The following COL5A2 variants were observed in gnomAD, a reference collection of about 807,000 sequenced individuals.
COL5A2 encodes the protein collagen type V alpha 2 chain, also known as collagen alpha-2(V) chain.
Under a neutral mutation model 208.2 loss-of-function variants are expected in COL5A2, and 23 were observed. The ratio of observed to expected loss-of-function variants is 0.11; its 90% CI spans 0.08 to 0.16. COL5A2 has a LOEUF of 0.16. COL5A2 is among the 10% of genes least tolerant of loss of function. The pLI, the probability that COL5A2 is intolerant of heterozygous loss-of-function variation, is 1.00. For missense variants in COL5A2, 1,590 were observed against 1,956.4 expected (o/e 0.81, Z 3.53); for synonymous variants, 625 against 628.5 (o/e 0.99, Z 0.08).
chr2:189,436,431 G>A, the COL5A2 span, among the ~76,000 whole-genome samples: 1 of 152,024 alleles, frequency 6.6e-6, no homozygotes, highest in Non-Finnish European at 1.5e-5. Flanking sequence ...TGTAAATGAC[G>A]AGTTAATGGG....
intron 7 of COL5A2, among the ~76,000 whole-genome samples, chr2:189,091,189 T>A (rs1686776515): frequency 6.6e-6 from 1 of 152,134 alleles, no homozygotes; most frequent in South Asian, 2.1e-4. Context: ...TAATTGCAGA[T>A]ATGATGGCAA....
At chr2:189,363,110 T>C in the COL5A2 span, among the ~76,000 whole-genome samples, 1 of 152,060 alleles carries the variant, frequency 6.6e-6, no homozygotes, top group African/African-American at 2.4e-5. Flanking sequence ...AAAATGACAA[T>C]TTTTTTCCTC....
rs1686210361 is a variant in COL5A2 at position 189,068,884 on chromosome 2, C to T, written c.1159G>A (p.Gly387Arg). Residue 387 changes from glycine to arginine, a missense_variant and splice_region_variant, in exon 19 of 54, where the codon GGA (glycine) becomes AGA (arginine). Physicochemically the swap from Gly to Arg is moderately radical, Grantham distance 125. Coordinates refer to ENST00000374866, the MANE Select transcript of COL5A2 (RefSeq NM_000393.5). The stretch of plus-strand genomic sequence containing the variant: ...CGCGCCCCTGTAGGACCTGCTTCTC[C>T]CTAAAAGGGTGCAAAGGGAAATGTT... ...SGFPGNPGMK[G>R]EAGPTGARGP... 6.2e-7 allele frequency: 1 copy of T among 1,602,652 alleles called. No homozygotes were observed. The highest frequency in any genetic ancestry group is 8.5e-7 in the Non-Finnish European group (1 of 1,170,242).
chr2:189,224,169 T>C (rs373133747), intron 1 of COL5A2, among the ~76,000 whole-genome samples: 1 of 149,480 alleles, frequency 6.7e-6, no homozygotes. Flanking sequence ...GGATAAAATC[T>C]AAAAAAAAAA....
chr2:189,171,580 G>A (rs989014210), intron 1 of COL5A2, among the ~76,000 whole-genome samples: 2 of 152,184 alleles, frequency 1.3e-5, no homozygotes, highest in Non-Finnish European at 1.5e-5. Flanking sequence ...TGACCGGGTA[G>A]CATCATGTTG....
chr2:189,365,860 C>T, the COL5A2 span, among the ~76,000 whole-genome samples: 985 of 152,278 alleles, frequency 6.5e-3, 12 homozygotes, highest in Non-Finnish European at 7.8e-3. Context: ...GTGAAAAAGG[C>T]CCTTCAGTAA....
At chr2:189,054,887 A>ATT (rs60485002) in intron 35 of COL5A2, among the ~76,000 whole-genome samples, 1 of 140,844 alleles carries the variant, frequency 7.1e-6, no homozygotes, top group Non-Finnish European at 1.6e-5. Context: ...AGTTTTCTTC[A>ATT]TTTTTTTTTT....
chr2:189,325,093 C>T, the COL5A2 span, among the ~76,000 whole-genome samples: 4,035 of 151,852 alleles, frequency 0.027, 69 homozygotes, highest in Admixed American at 0.043. Flanking sequence ...TGCGTGTGCT[C>T]ACTCATAGGT....
At chr2:189,088,605 G>T in intron 8 of COL5A2, 90 bp downstream of exon 8, 2 of 932,946 alleles carry the variant, frequency 2.1e-6, no homozygotes, top group Non-Finnish European at 3.6e-6. Context: ...GAAGATGCAT[G>T]TTATTCTTTG....
intron 1 of COL5A2, among the ~76,000 whole-genome samples, chr2:189,147,157 C>G (rs1378611757): frequency 1.3e-5 from 2 of 152,146 alleles, no homozygotes; most frequent in Non-Finnish European, 2.9e-5. Context: ...AACACCTAAA[C>G]TACATATTAA....
At chr2:189,303,459 G>A in the COL5A2 span, among the ~76,000 whole-genome samples, 1 of 152,108 alleles carries the variant, frequency 6.6e-6, no homozygotes, top group Admixed American at 6.5e-5. Context: ...TCACCCTGGA[G>A]TTGGTCCTGT....
intron 11 of COL5A2, among the ~76,000 whole-genome samples, chr2:189,084,418 A>G (rs1576516015): frequency 6.6e-6 from 1 of 152,172 alleles, no homozygotes; most frequent in African/African-American, 2.4e-5. Flanking sequence ...TGCTTCTTAA[A>G]ATACTACTTT....
chr2:189,222,792 A>G (rs1218581043), intron 1 of COL5A2, among the ~76,000 whole-genome samples: 1 of 152,182 alleles, frequency 6.6e-6, no homozygotes, highest in African/African-American at 2.4e-5. Context: ...TGCCCAGTAG[A>G]AAGCCTCCCA....
chr2:189,237,619 A>G, the COL5A2 span, among the ~76,000 whole-genome samples: 1 of 151,854 alleles, frequency 6.6e-6, no homozygotes, highest in East Asian at 1.9e-4. Flanking sequence ...ACTGTGGTAA[A>G]AGCTAAAATA....
chr2:189,313,424 C>T, the COL5A2 span, among the ~76,000 whole-genome samples: 1 of 152,138 alleles, frequency 6.6e-6, no homozygotes, highest in Non-Finnish European at 1.5e-5. Flanking sequence ...AACTGCCTTA[C>T]AAGAGATCCT....
At chr2:189,221,664 T>C (rs919909651) in intron 1 of COL5A2, among the ~76,000 whole-genome samples, 2 of 152,150 alleles carry the variant, frequency 1.3e-5, no homozygotes, top group Non-Finnish European at 2.9e-5. Context: ...AGATAAAGGA[T>C]TGAAGAAGGC....
At chr2:189,264,719 T>C in the COL5A2 span, among the ~76,000 whole-genome samples, 2 of 152,132 alleles carry the variant, frequency 1.3e-5, no homozygotes, top group Non-Finnish European at 2.9e-5. Context: ...AAAATTTAAA[T>C]TTTAAGTTAT....
chr2:189,313,761 A>G, the COL5A2 span, among the ~76,000 whole-genome samples: 1 of 152,204 alleles, frequency 6.6e-6, no homozygotes, highest in South Asian at 2.1e-4. Flanking sequence ...TACCAAGAAA[A>G]TGGAAAACAG....
the COL5A2 span, among the ~76,000 whole-genome samples, chr2:189,426,172 A>G: frequency 2.8e-4 from 43 of 152,278 alleles, no homozygotes; most frequent in Non-Finnish European, 4.1e-4. Context: ...TAGAGACTTG[A>G]TAAGTTGTTA....
Sources: allele counts gnomAD v4.1 joint callset (sites outside exome capture counted in the v4.1 genomes callset), GRCh38; gene constraint gnomAD v4.1.1; transcripts MANE v1.5; gene names NCBI Gene and HGNC (gene_info 2026-07-23, HGNC 2026-07-21).